NBPF9: variants seen among roughly 807,000 people sequenced by gnomAD.
NBPF9 encodes NBPF member 9.
In NBPF9, 91 loss-of-function variants were observed where a neutral mutation model predicts 97.8. The observed-to-expected ratio is 0.93, with a 90% CI of 0.79 to 1.11. The LOEUF is 1.11. Ranked by LOEUF, NBPF9 falls within the 50% of genes least tolerant of loss-of-function variation. The pLI, the probability that NBPF9 is intolerant of heterozygous loss-of-function variation, is 0.00. For synonymous variants in NBPF9, 334 were observed against 359.5 expected (o/e 0.93, Z 0.80); for missense variants, 992 against 939.5 (o/e 1.06, Z -0.73).
chr1:149,058,666 G>T (rs1553649559), intron 26 of NBPF9: 3 of 281,464 alleles, frequency 1.1e-5, no homozygotes, highest in South Asian at 4.5e-5. Context: ...TTTTACATCT[G>T]CCTGGGTCCA....
At chr1:149,071,005 T>G in exon 16 of NBPF9, 1 of 1,612,224 alleles carries the variant, frequency 6.2e-7, no homozygotes, top group Non-Finnish European at 8.5e-7. Context: ...GTCGACTTTG[T>G]CTTCCTCAAA....
chr1:149,070,871 T>A, intron 16 of NBPF9, 63 bp downstream of exon 16: 1 of 1,313,334 alleles, frequency 7.6e-7, no homozygotes, highest in Non-Finnish European at 1.1e-6. Flanking sequence ...ATAGAGCCTG[T>A]CTTCAGAGTT....
intron 17 of NBPF9, among the ~76,000 whole-genome samples, chr1:149,067,809 C>A (rs1304303848): frequency 1.4e-5 from 2 of 144,568 alleles, no homozygotes; most frequent in African/African-American, 2.7e-5. Flanking sequence ...GATTTATAAT[C>A]CTTTGGGTAT....
At chr1:149,052,578 TG>T (rs2077974327), downstream of NBPF9, among the ~76,000 whole-genome samples, 5 of 151,630 alleles carry the variant, frequency 3.3e-5, no homozygotes, top group Admixed American at 2.0e-4. Flanking sequence ...AATGCTTTCC[TG>T]GGTATCCAGC....
intron 17 of NBPF9, among the ~76,000 whole-genome samples, chr1:149,069,091 C>T (rs1207828452): frequency 1.3e-5 from 2 of 152,116 alleles, no homozygotes. Context: ...AAAGACAAAA[C>T]ATACCAGAAT....
intron 4 of NBPF9, among the ~76,000 whole-genome samples, chr1:149,097,090 AAGGAAGGAAGGG>A (rs1320718244): frequency 1.4e-5 from 2 of 148,076 alleles, no homozygotes; most frequent in African/African-American, 5.0e-5. Flanking sequence ...GGAAGGAAGG[AAGGAAGGAAGGG>A]AGGGAGGGTG....
chr1:149,073,051 A>T, intron 13 of NBPF9, 119 bp from the exon 14 acceptor site: 1 of 989,362 alleles, frequency 1.0e-6, no homozygotes, highest in East Asian at 2.4e-5. Flanking sequence ...GAAGGTCAGC[A>T]CATGTTTAAA....
exon 22 of NBPF9, chr1:149,062,209 C>G: frequency 1.9e-6 from 2 of 1,028,064 alleles, no homozygotes; most frequent in Non-Finnish European, 3.1e-6. Context: ...ATACCATCTA[C>G]CCAGTGAGTC....
chr1:149,085,046 T>TC, intron 5 of NBPF9, among the ~76,000 whole-genome samples: 1 of 151,916 alleles, frequency 6.6e-6, no homozygotes, highest in South Asian at 2.1e-4. Flanking sequence ...ACTCCACCGC[T>TC]CCCCACAGCT....
At chr1:149,077,513 G>A (rs587691183) in intron 10 of NBPF9, 94 bp from the exon 11 acceptor site, 39 of 1,563,076 alleles carry the variant, frequency 2.5e-5, no homozygotes, top group Non-Finnish European at 2.8e-5. Context: ...GCGGCATTAA[G>A]AGAGTGGTTC....
rs1478245991 is a variant in NBPF9 at position 149,073,652 on chromosome 1, T to A, written c.1091+116A>T. The stretch of plus-strand genomic sequence containing the variant: ...ATATTTGTGTGTAGCGAGCCTGCCA[T>A]GGCAATTCCTGCCCTTCCCCTGGCC... On this transcript the variant is annotated intron_variant, in intron 13 of 29. Coordinates refer to ENST00000584027, the Ensembl canonical transcript of NBPF9. 7 of 779,626 alleles carry A rather than the reference T, an allele frequency of 9.0e-6. No homozygotes were observed. In the African/African-American group the frequency reaches 1.0e-4, roughly 11 times the overall value. 48.3% of individuals were successfully genotyped at this position (779,626 alleles called of 1,614,324 possible).
chr1:149,076,213 T>C (rs2152901447), intron 11 of NBPF9, among the ~76,000 whole-genome samples: 1 of 151,660 alleles, frequency 6.6e-6, no homozygotes, highest in South Asian at 2.1e-4. Flanking sequence ...GGTTTTTTTG[T>C]TTGAGACAGA....
chr1:149,071,061 A>T (rs1553652833), exon 16 of NBPF9: 2 of 1,611,234 alleles, frequency 1.2e-6, no homozygotes, highest in Non-Finnish European at 1.7e-6. Context: ...CATAAGGGCC[A>T]TGGCTATTTG....
intron 5 of NBPF9, among the ~76,000 whole-genome samples, chr1:149,087,791 T>G (rs2081130608): frequency 6.6e-6 from 1 of 151,196 alleles, no homozygotes. Context: ...TTTGTAGTTT[T>G]TGTTGTACTG....
intron 14 of NBPF9, among the ~76,000 whole-genome samples, chr1:149,072,317 G>C (rs1245065533): frequency 9.9e-5 from 15 of 152,274 alleles, no homozygotes; most frequent in African/African-American, 3.6e-4. Context: ...CACGGAGAGA[G>C]ACAAACTCAG....
At position 149,064,671 on chromosome 1, in the gene NBPF9, C is replaced by T. The variant is rs587708713; in HGVS notation, c.1802-189G>A. 53 of 611,086 alleles carry T rather than the reference C, an allele frequency of 8.7e-5. No individual in the cohort carries two copies. The South Asian group carries it at 9.6e-4, about 11-fold the overall frequency. The allele number at this position is 611,086 out of a possible 1,614,324, so 37.9% of individuals were successfully genotyped here. A position where few individuals can be genotyped will look rare whatever the true frequency, so the allele number is the denominator to read the frequency against. On this transcript the variant is annotated intron_variant, in intron 18 of 29. Coordinates refer to ENST00000584027, the Ensembl canonical transcript of NBPF9. ...AACTGGCTTGGGTTCTTTCATGAGCCTTGGGCAAAATTCCCCTGTGTTGGA... is the reference window on the plus strand; with the variant it reads ...AACTGGCTTGGGTTCTTTCATGAGCTTTGGGCAAAATTCCCCTGTGTTGGA...
rs1156981199 is a variant in NBPF9 at position 149,070,956 on chromosome 1, T to C, written c.1563A>G (p.Glu521=). ...TACCTGGAATAATGTGTACAGCATC[T>C]TCCCGTTCAACATGAGAGGATGAGC... The change falls in exon 16 of 30, where the codon GAA becomes GAG. Residue 521 remains glutamate, a synonymous_variant. Transcript: ENST00000584027. 23 of 1,612,622 alleles carry C rather than the reference T, an allele frequency of 1.4e-5. No individual in the cohort carries two copies. The East Asian group carries it at 4.7e-4, about 33-fold the overall frequency.
intron 21 of NBPF9, 108 bp from the exon 22 acceptor site, chr1:149,062,373 C>G (rs1482877926): frequency 1.4e-5 from 9 of 657,784 alleles, no homozygotes; most frequent in Non-Finnish European, 2.2e-5. Context: ...AGAAAAAGGA[C>G]AGATCCATTA....
At chr1:149,082,957 C>CTTTT (rs1157992196) in intron 5 of NBPF9, among the ~76,000 whole-genome samples, 2,969 of 66,312 alleles carry the variant, frequency 0.045, 151 homozygotes, top group East Asian at 0.11. Flanking sequence ...TTTTTCTTTT[C>CTTTT]TTTTTTTTTT....
Sources: allele counts gnomAD v4.1 joint callset (sites outside exome capture counted in the v4.1 genomes callset), GRCh38; gene constraint gnomAD v4.1.1; transcripts MANE v1.5; gene names NCBI Gene and HGNC (gene_info 2026-07-23, HGNC 2026-07-21).